ROBO2: variants seen among roughly 807,000 people sequenced by gnomAD.
ROBO2 encodes the protein roundabout homolog 2.
A neutral mutation model predicts 160.8 loss-of-function variants in ROBO2; 53 were observed. The observed-to-expected ratio is 0.33, with a 90% CI of 0.26 to 0.41. The LOEUF is 0.41. ROBO2 is among the 10% of genes least tolerant of loss of function. ROBO2 has a pLI of 1.00. For synonymous variants in ROBO2, 664 were observed against 611.7 expected (o/e 1.09, Z -1.26); for missense variants, 1,577 against 1,722.4 (o/e 0.92, Z 1.49).
At chr3:77,206,577 A>G (rs571293619) in intron 2 of ROBO2, among the ~76,000 whole-genome samples, 6 of 152,310 alleles carry the variant, frequency 3.9e-5, no homozygotes, top group East Asian at 1.9e-4. Context: ...ACGTGGTCAC[A>G]TTTATAGGTA....
chr3:77,213,480 T>A (rs1298405785), intron 2 of ROBO2, among the ~76,000 whole-genome samples: 1 of 152,172 alleles, frequency 6.6e-6, no homozygotes, highest in Non-Finnish European at 1.5e-5. Flanking sequence ...TTCTTTTTTA[T>A]TAGTCCTGCT....
At chr3:76,884,014 C>T (rs2073630166) in intron 2 of ROBO2, among the ~76,000 whole-genome samples, 1 of 152,134 alleles carries the variant, frequency 6.6e-6, no homozygotes, top group African/African-American at 2.4e-5. Context: ...AAACATTTAT[C>T]AATCCTCTGT....
At chr3:76,333,596 C>A (rs964756404) in intron 2 of ROBO2, among the ~76,000 whole-genome samples, 10 of 152,134 alleles carry the variant, frequency 6.6e-5, no homozygotes, top group Non-Finnish European at 1.3e-4. Context: ...TTATAAAAAG[C>A]ATTCAACCAG....
At chr3:76,860,386 G>T (rs943868145) in intron 2 of ROBO2, among the ~76,000 whole-genome samples, 3 of 152,332 alleles carry the variant, frequency 2.0e-5, no homozygotes, top group Admixed American at 6.5e-5. Context: ...AAGAAGATGA[G>T]TTCCCTCAGC....
chr3:75,949,659 T>G (rs989642843), intron 2 of ROBO2, among the ~76,000 whole-genome samples: 1 of 152,072 alleles, frequency 6.6e-6, no homozygotes, highest in Non-Finnish European at 1.5e-5. Flanking sequence ...CTCACTAAAG[T>G]AGATTTTGTC....
chr3:76,803,633 A>G (rs540179582), intron 2 of ROBO2, among the ~76,000 whole-genome samples: 25 of 152,260 alleles, frequency 1.6e-4, no homozygotes, highest in East Asian at 3.9e-4. Flanking sequence ...TATTTTATCA[A>G]TTTTATTCAG....
intron 2 of ROBO2, among the ~76,000 whole-genome samples, chr3:76,103,943 A>C (rs1262632122): frequency 6.6e-6 from 1 of 152,176 alleles, no homozygotes; most frequent in Non-Finnish European, 1.5e-5. Context: ...CTCAGGTTTG[A>C]GAGGGACTTG....
At chr3:76,933,282 T>C (rs369850157) in intron 2 of ROBO2, among the ~76,000 whole-genome samples, 27 of 152,352 alleles carry the variant, frequency 1.8e-4, no homozygotes, top group African/African-American at 5.8e-4. Context: ...ATAGTGATTA[T>C]ACTAGTTATC....
chr3:77,515,890 A>G (rs2089968119), intron 5 of ROBO2, among the ~76,000 whole-genome samples: 1 of 151,670 alleles, frequency 6.6e-6, no homozygotes, highest in African/African-American at 2.4e-5. Flanking sequence ...ACTAGGCTCA[A>G]TAATTTTGAA....
intron 2 of ROBO2, among the ~76,000 whole-genome samples, chr3:76,107,634 TACTATTGTGGAAATA>T (rs1433974130): frequency 1.3e-5 from 2 of 152,074 alleles, no homozygotes; most frequent in African/African-American, 4.8e-5. Flanking sequence ...GGCTTGTGAT[TACTATTGTGGAAATA>T]AAGAAATTAA....
intron 2 of ROBO2, among the ~76,000 whole-genome samples, chr3:76,827,163 C>T (rs1261765778): frequency 1.3e-5 from 2 of 152,090 alleles, no homozygotes; most frequent in African/African-American, 4.8e-5. Context: ...AGCTGAACAG[C>T]ACCATTAAAT....
chr3:77,203,365 A>G (rs1413519725), intron 2 of ROBO2, among the ~76,000 whole-genome samples: 3 of 152,190 alleles, frequency 2.0e-5, no homozygotes, highest in African/African-American at 7.2e-5. Context: ...CTGTTACGGC[A>G]TATTGAGAAT....
intron 2 of ROBO2, among the ~76,000 whole-genome samples, chr3:76,340,239 C>T (rs562804473): frequency 6.6e-6 from 1 of 152,156 alleles, no homozygotes; most frequent in African/African-American, 2.4e-5. Context: ...GCATATTATT[C>T]TAACAAAAAA....
At chr3:76,814,392 T>G (rs2065482708) in intron 2 of ROBO2, among the ~76,000 whole-genome samples, 1 of 152,124 alleles carries the variant, frequency 6.6e-6, no homozygotes. Context: ...GTCTCCACTT[T>G]CCAAAAGGAA....
rs1268364860 is a variant in ROBO2, at chr3:77,557,943, G to A, written c.1232-1G>A. The A allele has an allele frequency of 2.5e-6, 4 of 1,612,476 alleles. No homozygotes were observed. The highest frequency in any genetic ancestry group is 3.4e-6 in the Non-Finnish European group (4 of 1,178,892). On this transcript the variant is annotated splice_acceptor_variant, in intron 8 of 25. Coordinates refer to ENST00000461745, the Ensembl canonical transcript of ROBO2. LOFTEE classifies it high-confidence loss of function. ...TACCTGAAAAGAGCTTTATTCTTCA[G>A]TTTTGACAGATAGACCTCCACCTAT...
At chr3:76,389,304 A>G (rs2077038182) in intron 2 of ROBO2, among the ~76,000 whole-genome samples, 1 of 152,252 alleles carries the variant, frequency 6.6e-6, no homozygotes, top group African/African-American at 2.4e-5. Flanking sequence ...AAAGTTATCC[A>G]CTATCACACA....
rs566717266 is a variant in ROBO2, at chr3:76,948,984, G to C, written c.110-149030G>C. Reference sequence around the variant, plus strand: ...CAAGCTGGTCTTGACCTCCTGACCTGAGGTGATCCACCCGCCTCGGCCTCC... The same window carrying C: ...CAAGCTGGTCTTGACCTCCTGACCTCAGGTGATCCACCCGCCTCGGCCTCC... On this transcript the variant is annotated intron_variant, in intron 2 of 26. Coordinates refer to the ROBO2 transcript ENST00000487694. 1.6e-3 allele frequency among the ~76,000 whole-genome samples: 229 copies of C among 140,022 alleles called. 1 individual carries two copies. The highest frequency in any genetic ancestry group is 5.3e-3 in the African/African-American group (196 of 37,166). 91.9% of individuals were successfully genotyped at this position (140,022 alleles called of 152,430 possible).
chr3:76,281,561 A>T (rs1303390197), intron 2 of ROBO2, among the ~76,000 whole-genome samples: 1 of 151,874 alleles, frequency 6.6e-6, no homozygotes, highest in Admixed American at 6.6e-5. Flanking sequence ...TAAGGTACTT[A>T]GTATGCTTAA....
chr3:76,763,676 T>A (rs2608160), intron 2 of ROBO2, among the ~76,000 whole-genome samples: 1 of 151,284 alleles, frequency 6.6e-6, no homozygotes, highest in South Asian at 2.1e-4. Flanking sequence ...GAAAGCTAAC[T>A]GGAACCTCAT....
Sources: gnomAD v4.1 joint callset for allele counts (sites outside exome capture counted in the v4.1 genomes callset) on GRCh38, gnomAD v4.1.1 for gene constraint, MANE v1.5 for transcripts, NCBI Gene and HGNC (gene_info 2026-07-23, HGNC 2026-07-21) for gene names.